Variants in HPCAL1 observed in about 807,000 individuals in gnomAD.
HPCAL1 encodes hippocalcin like 1.
A neutral mutation model predicts 17.1 loss-of-function variants in HPCAL1; 8 were observed. The ratio of observed to expected loss-of-function variants is 0.47; its 90% CI spans 0.27 to 0.84. The LOEUF (loss-of-function observed/expected upper bound fraction) is 0.84, where lower values mean the gene tolerates loss of function less well. Among genes scored for constraint, HPCAL1 ranks in the 40% least tolerant of loss-of-function variants. The pLI is 0.13. For missense variants in HPCAL1, 165 were observed against 271.1 expected (o/e 0.61, Z 2.75); for synonymous variants, 112 against 111.4 (o/e 1.01, Z -0.03).
At chr2:10,396,027 G>T (rs951718021) in intron 1 of HPCAL1, among the ~76,000 whole-genome samples, 1 of 152,220 alleles carries the variant, frequency 6.6e-6, no homozygotes, top group Non-Finnish European at 1.5e-5. Context: ...GGCCCGTCCC[G>T]AGTTCACGCC....
At chr2:10,333,563 A>G (rs1461591580) in intron 1 of HPCAL1, among the ~76,000 whole-genome samples, 1 of 152,120 alleles carries the variant, frequency 6.6e-6, no homozygotes, top group Non-Finnish European at 1.5e-5. Context: ...ACCTTCCTGG[A>G]ATTGCTCTGT....
At position 10,363,071 on chromosome 2, in the gene HPCAL1, T is replaced by A. The variant is rs540887629; in HGVS notation, c.-110-33764T>A. Among the ~76,000 whole-genome samples, 124 of 152,292 alleles carry A rather than the reference T, an allele frequency of 8.1e-4. No homozygotes were observed. Among genetic ancestry groups the A allele is most frequent in the African/African-American group, 2.9e-3 (120 of 41,566 alleles). On this transcript the variant is annotated intron_variant, in intron 1 of 4. Coordinates refer to ENST00000307845, the MANE Select transcript of HPCAL1 (RefSeq NM_002149.4). The surrounding 1 kb of genome is among the most constrained non-coding windows in gnomAD (Gnocchi z 4.7). ...AGGAGGTTGAGGCTGCAGTGAACCA[T>A]GATCATACCACTGCATTCCAGCCTG...
chr2:10,388,089 C>G (rs183044508), intron 1 of HPCAL1, among the ~76,000 whole-genome samples: 1 of 152,140 alleles, frequency 6.6e-6, no homozygotes, highest in Non-Finnish European at 1.5e-5. Flanking sequence ...GTTCTAAGGT[C>G]TCCTGAGAAG....
intron 1 of HPCAL1, among the ~76,000 whole-genome samples, chr2:10,356,233 G>T (rs1057317396): frequency 6.6e-6 from 1 of 152,126 alleles, no homozygotes; most frequent in East Asian, 1.9e-4. Flanking sequence ...TAAACCTCCC[G>T]CTCGCCTGGA....
intron 1 of HPCAL1, among the ~76,000 whole-genome samples, chr2:10,396,599 G>T (rs760239336): frequency 6.6e-6 from 1 of 152,218 alleles, no homozygotes; most frequent in Non-Finnish European, 1.5e-5. Flanking sequence ...TCTTACCTTG[G>T]GGCTTCTATC....
Position 10,402,243 on chromosome 2 carries a change from C to A in HPCAL1, c.-25+5323C>A, listed in dbSNP as rs903316570. 2.6e-5 allele frequency among the ~76,000 whole-genome samples: 4 copies of A among 152,314 alleles called. No homozygotes were observed. The East Asian group carries it at 7.7e-4, about 29-fold the overall frequency. On this transcript the variant is annotated intron_variant, in intron 2 of 4. Transcript: ENST00000307845. ...GGAGAAGGAAAGAAGGAGTTCCTGT[C>A]TTGCTTTCCCGACCAGACTGGAAGC...
chr2:10,399,346 CCACCATCACCACCACTACCAT>C (rs1669340834), intron 2 of HPCAL1, among the ~76,000 whole-genome samples: 1 of 70,096 alleles, frequency 1.4e-5, no homozygotes, highest in Non-Finnish European at 3.1e-5. Flanking sequence ...ACCACCACCA[CCACCATCACCACCACTACCAT>C]CATCACCACC....
chr2:10,309,831 A>T (rs187399504), intron 1 of HPCAL1, among the ~76,000 whole-genome samples: 1 of 152,336 alleles, frequency 6.6e-6, no homozygotes, highest in East Asian at 1.9e-4. Context: ...ACAAACCAAG[A>T]CACAGAAATT....
chr2:10,341,048 C>T (rs1029588895), intron 1 of HPCAL1, among the ~76,000 whole-genome samples: 10 of 152,232 alleles, frequency 6.6e-5, no homozygotes, highest in African/African-American at 2.4e-4. Context: ...AACTAACCTC[C>T]CTTCATGTGT....
chr2:10,370,663 A>G (rs1230769092), intron 1 of HPCAL1, among the ~76,000 whole-genome samples: 1 of 152,198 alleles, frequency 6.6e-6, no homozygotes, highest in Non-Finnish European at 1.5e-5. Context: ...CACTGCTGGC[A>G]TTGGCCTTTT....
At chr2:10,374,153 C>A (rs1441872658) in intron 1 of HPCAL1, among the ~76,000 whole-genome samples, 4 of 137,674 alleles carry the variant, frequency 2.9e-5, no homozygotes, top group South Asian at 2.1e-4. Flanking sequence ...TCAGGGCATC[C>A]TAAGTCCCCC....
chr2:10,421,474 G>C (rs1671059381), intron 3 of HPCAL1, among the ~76,000 whole-genome samples: 1 of 152,312 alleles, frequency 6.6e-6, no homozygotes, highest in African/African-American at 2.4e-5. Flanking sequence ...GCCGAGGCTG[G>C]AGGATCGCGT....
At chr2:10,324,660 C>G (rs1196990547) in intron 1 of HPCAL1, among the ~76,000 whole-genome samples, 1 of 150,964 alleles carries the variant, frequency 6.6e-6, no homozygotes, top group Non-Finnish European at 1.5e-5. Context: ...CCGGTTCTAG[C>G]AGACCTTTGG....
intron 2 of HPCAL1, among the ~76,000 whole-genome samples, chr2:10,410,842 G>A (rs1188296637): frequency 6.6e-6 from 1 of 152,082 alleles, no homozygotes; most frequent in East Asian, 1.9e-4. Flanking sequence ...GCTTTTGCTC[G>A]GTCGTCTTAC....
intron 1 of HPCAL1, among the ~76,000 whole-genome samples, chr2:10,370,679 G>A (rs1667148727): frequency 6.6e-6 from 1 of 152,228 alleles, no homozygotes; most frequent in African/African-American, 2.4e-5. Flanking sequence ...CTTTTGCAGG[G>A]CACAGGAGTC....
At chr2:10,320,456 T>C (rs868534641) in intron 1 of HPCAL1, among the ~76,000 whole-genome samples, 27 of 152,300 alleles carry the variant, frequency 1.8e-4, no homozygotes, top group East Asian at 5.8e-4. Flanking sequence ...GCTCCAGCCA[T>C]GTAGGACGTG....
intron 1 of HPCAL1, among the ~76,000 whole-genome samples, chr2:10,371,933 C>T (rs373500688): frequency 1.8e-4 from 28 of 152,318 alleles, no homozygotes; most frequent in African/African-American, 6.0e-4. Flanking sequence ...CGGGCCCAAC[C>T]GCCTCCTCCA....
rs1204469644 is a variant in HPCAL1 at position 10,395,422 on chromosome 2, AACGG to A, written c.-110-1409_-110-1406del. ...CCAGGCTCTGGACGCATAGACGTGA[AACGG>A]ACGATTTCCTGACCTTGTGGCGCTC... On this transcript the variant is annotated intron_variant, in intron 1 of 4. Transcript: ENST00000307845. This position sits in a 1 kb window ranked among gnomAD's most constrained non-coding sequence, Gnocchi z 4.4. Among the ~76,000 whole-genome samples, 1 of 151,966 alleles carries A rather than the reference AACGG, an allele frequency of 6.6e-6. No individual in the cohort carries two copies. Among genetic ancestry groups the A allele is most frequent in the Non-Finnish European group, 1.5e-5 (1 of 67,980 alleles).
rs182815994 is a variant in HPCAL1, at chr2:10,315,795, T to C, written c.-111+12618T>C. On this transcript the variant is annotated intron_variant, in intron 1 of 4. Coordinates refer to ENST00000307845, the MANE Select transcript of HPCAL1 (RefSeq NM_002149.4). ...GCTGAGGCAGGCGGATCACTTGAGG[T>C]CAGGAGGTCGAGACCAGCCTGGCCA... Among the ~76,000 whole-genome samples the C allele has an allele frequency of 4.1e-4, 63 of 152,240 alleles. 1 individual carries two copies. The East Asian group carries it at 0.012, about 28-fold the overall frequency.
Sources: allele counts gnomAD v4.1 joint callset (sites outside exome capture counted in the v4.1 genomes callset), GRCh38; gene constraint gnomAD v4.1.1; non-coding constraint Gnocchi (gnomAD v3.1); transcripts MANE v1.5; gene names NCBI Gene and HGNC (gene_info 2026-07-23, HGNC 2026-07-21).